Variants in KALRN observed in about 807,000 individuals in gnomAD.
KALRN encodes the protein kalirin RhoGEF kinase.
Under a neutral mutation model 353.7 loss-of-function variants are expected in KALRN, and 70 were observed. The observed-to-expected ratio is 0.20, with a 90% CI of 0.16 to 0.24. The LOEUF is 0.24. Among genes scored for constraint, KALRN ranks in the 10% least tolerant of loss-of-function variants. The pLI is 1.00. For missense variants in KALRN, 2,791 were observed against 3,756.7 expected (o/e 0.74, Z 6.72); for synonymous variants, 1,391 against 1,434.8 (o/e 0.97, Z 0.69).
intron 34 of KALRN, among the ~76,000 whole-genome samples, chr3:124,625,460 G>T (rs2079837578): frequency 6.6e-6 from 1 of 152,076 alleles, no homozygotes. Context: ...GATGGCTCAT[G>T]CCTGTAATCC....
At chr3:124,059,096 A>ACTTTCTCAGTTCACGGTACCTTAACAT (rs2041803948) in intron 1 of KALRN, among the ~76,000 whole-genome samples, 1 of 152,026 alleles carries the variant, frequency 6.6e-6, no homozygotes, top group Non-Finnish European at 1.5e-5. Context: ...AGGTCCTTTA[A>ACTTTCTCAGTTCACGGTACCTTAACAT]CTTTCTCAGT....
Position 124,446,108 on chromosome 3 carries a change from G to T in KALRN, c.3314-53G>T. 2.4e-6 allele frequency: 3 copies of T among 1,274,340 alleles called. No homozygotes were observed. In the Admixed American group the frequency reaches 5.3e-5, roughly 23 times the overall value. 78.9% of individuals were successfully genotyped at this position (1,274,340 alleles called of 1,614,324 possible). Reference sequence around the variant, plus strand: ...CTGGGCCGTGGGGCTGAAGGGGTTGGTTGGATTTGCTCAGAGCCCCTTGTG... The same window carrying T: ...CTGGGCCGTGGGGCTGAAGGGGTTGTTTGGATTTGCTCAGAGCCCCTTGTG... On this transcript the variant is annotated intron_variant, in intron 19 of 59. Transcript: ENST00000682506.
intron 47 of KALRN, among the ~76,000 whole-genome samples, chr3:124,668,300 A>G (rs1327382237): frequency 6.6e-6 from 1 of 152,216 alleles, no homozygotes; most frequent in Non-Finnish European, 1.5e-5. Flanking sequence ...CTAGAATGGA[A>G]CTGAATGCTG....
At chr3:124,356,026 A>T (rs2083364684) in intron 10 of KALRN, among the ~76,000 whole-genome samples, 1 of 151,916 alleles carries the variant, frequency 6.6e-6, no homozygotes, top group Non-Finnish European at 1.5e-5. Flanking sequence ...CTCCCATCTT[A>T]AAAACAAATT....
intron 7 of KALRN, among the ~76,000 whole-genome samples, chr3:124,328,641 T>C (rs2080178215): frequency 6.6e-6 from 1 of 152,216 alleles, no homozygotes; most frequent in South Asian, 2.1e-4. Context: ...TGGTCTAGTG[T>C]GTTACAAAAT....
intron 39 of KALRN, among the ~76,000 whole-genome samples, chr3:124,656,257 A>G (rs1193084370): frequency 5.3e-5 from 8 of 152,088 alleles, no homozygotes; most frequent in Admixed American, 5.2e-4. Context: ...CTGAGAAAGT[A>G]AATGGGTAAC....
intron 45 of KALRN, 139 bp from the exon 46 acceptor site, chr3:124,666,310 A>G (rs771169206): frequency 6.7e-5 from 50 of 742,760 alleles, no homozygotes; most frequent in Non-Finnish European, 1.1e-4. Context: ...GTCCTAATTC[A>G]GTCTCTTCCT....
intron 9 of KALRN, among the ~76,000 whole-genome samples, chr3:124,342,024 T>G (rs2081784054): frequency 6.6e-6 from 1 of 150,892 alleles, no homozygotes; most frequent in South Asian, 2.1e-4. Context: ...GGGGTGGGGT[T>G]AAGAGGGGGT....
At chr3:124,442,498 T>C (rs2093699180) in intron 19 of KALRN, among the ~76,000 whole-genome samples, 1 of 152,242 alleles carries the variant, frequency 6.6e-6, no homozygotes, top group South Asian at 2.1e-4. Flanking sequence ...GGGTGTCTTA[T>C]AGCCTAGGAA....
chr3:124,259,352 T>C (rs911413388), intron 3 of KALRN, among the ~76,000 whole-genome samples: 3 of 152,192 alleles, frequency 2.0e-5, no homozygotes, highest in African/African-American at 7.2e-5. Context: ...CATCAGCTGA[T>C]AGCTCCAAAA....
intron 11 of KALRN, among the ~76,000 whole-genome samples, chr3:124,392,260 T>TAAG (rs2089506187): frequency 2.6e-5 from 4 of 152,162 alleles, no homozygotes; most frequent in Non-Finnish European, 5.9e-5. Context: ...TGCTGGGTCT[T>TAAG]ACCATGTTGT....
chr3:124,086,293 T>C (rs1314396361), intron 1 of KALRN, among the ~76,000 whole-genome samples: 1 of 149,464 alleles, frequency 6.7e-6, no homozygotes, highest in Non-Finnish European at 1.5e-5. Flanking sequence ...AGTCTCCTAC[T>C]AGGTTGGTTG....
At chr3:124,157,093 G>T (rs2069111527) in intron 1 of KALRN, among the ~76,000 whole-genome samples, 1 of 152,212 alleles carries the variant, frequency 6.6e-6, no homozygotes, top group Non-Finnish European at 1.5e-5. Context: ...CATTAGTTCA[G>T]TCTTTTCATG....
intron 33 of KALRN, chr3:124,518,773 C>T (rs1295826492): frequency 4.6e-6 from 6 of 1,310,516 alleles, no homozygotes; most frequent in East Asian, 3.2e-5. Flanking sequence ...TCCCCCAGAT[C>T]CCACTCAGAA....
intron 5 of KALRN, among the ~76,000 whole-genome samples, chr3:124,290,552 G>A (rs1447291409): frequency 6.6e-6 from 1 of 152,166 alleles, no homozygotes. Flanking sequence ...GGAGGGTTTA[G>A]CAGCAGAGTT....
chr3:124,225,031 C>G (rs923858379), intron 1 of KALRN, among the ~76,000 whole-genome samples: 1 of 152,124 alleles, frequency 6.6e-6, no homozygotes, highest in Non-Finnish European at 1.5e-5. Flanking sequence ...GACACGTACC[C>G]GATAGTGAAA....
chr3:124,497,465 A>C (rs937092822), intron 33 of KALRN, among the ~76,000 whole-genome samples: 3 of 152,144 alleles, frequency 2.0e-5, no homozygotes, highest in African/African-American at 7.2e-5. Context: ...GGGAGAAAAA[A>C]AACCATTGAG....
chr3:124,447,103 A>G (rs572399686), intron 21 of KALRN, among the ~76,000 whole-genome samples: 2 of 152,310 alleles, frequency 1.3e-5, no homozygotes, highest in East Asian at 1.9e-4. Context: ...CAGGAAGTCA[A>G]TTGCTATATA....
At chr3:124,694,629 C>A in intron 53 of KALRN, 126 bp downstream of exon 53, 1 of 914,826 alleles carries the variant, frequency 1.1e-6, no homozygotes, top group Non-Finnish European at 1.6e-6. Flanking sequence ...GCCCTGGAGC[C>A]TGTTCTTGGG....
Sources: allele counts gnomAD v4.1 joint callset (sites outside exome capture counted in the v4.1 genomes callset), GRCh38; gene constraint gnomAD v4.1.1; transcripts MANE v1.5; gene names NCBI Gene and HGNC (gene_info 2026-07-23, HGNC 2026-07-21).